SEMA3A: variants seen among roughly 807,000 people sequenced by gnomAD.
SEMA3A encodes semaphorin-3A.
Under a neutral mutation model 97.9 loss-of-function variants are expected in SEMA3A, and 29 were observed. The observed-to-expected ratio is 0.30, with a 90% confidence interval of 0.22 to 0.40. SEMA3A has a LOEUF of 0.40. Ranked by LOEUF, SEMA3A falls within the 10% of genes least tolerant of loss-of-function variation. The pLI, the probability that SEMA3A is intolerant of heterozygous loss-of-function variation, is 1.00. For missense variants in SEMA3A, 763 were observed against 951.3 expected, an observed-to-expected ratio of 0.80 and a Z score of 2.60; for synonymous variants, 321 against 323.7, an observed-to-expected ratio of 0.99 and a Z score of 0.09.
At chr7:83,984,276 C>G (rs1789539682) in intron 13 of SEMA3A, among the ~76,000 whole-genome samples, 1 of 152,122 alleles carries the variant, frequency 6.6e-6, no homozygotes, top group Non-Finnish European at 1.5e-5. Context: ...TTGCCAACCT[C>G]TAACAATTTT....
At chr7:84,237,965 C>A (rs1022303481) in intron 3 of SEMA3A, among the ~76,000 whole-genome samples, 8 of 152,052 alleles carry the variant, frequency 5.3e-5, no homozygotes, top group South Asian at 2.1e-4. Flanking sequence ...AGGCCACCAT[C>A]TCTATGGAGG....
chr7:84,264,725 T>C (rs1480120551), intron 3 of SEMA3A, among the ~76,000 whole-genome samples: 3 of 152,140 alleles, frequency 2.0e-5, no homozygotes, highest in Non-Finnish European at 4.4e-5. Flanking sequence ...AGGTCTTTAT[T>C]AGACTGCTTA....
At chr7:84,084,112 A>T (rs1794252004) in intron 4 of SEMA3A, among the ~76,000 whole-genome samples, 1 of 152,092 alleles carries the variant, frequency 6.6e-6, no homozygotes, top group Non-Finnish European at 1.5e-5. Context: ...ATGCAATTTC[A>T]GCTGGCCATA....
intron 4 of SEMA3A, among the ~76,000 whole-genome samples, chr7:84,093,874 C>G (rs1174853591): frequency 2.6e-5 from 4 of 151,552 alleles, no homozygotes; most frequent in African/African-American, 9.7e-5. Flanking sequence ...CAGCAAACCA[C>G]CATGGCACAT....
chr7:84,009,096 G>C (rs1790779640), intron 9 of SEMA3A, among the ~76,000 whole-genome samples: 1 of 152,114 alleles, frequency 6.6e-6, no homozygotes, highest in Non-Finnish European at 1.5e-5. Context: ...AAACAACATG[G>C]GCATCACCTG....
intron 13 of SEMA3A, among the ~76,000 whole-genome samples, chr7:83,985,220 T>G (rs1205484768): frequency 6.6e-6 from 1 of 152,114 alleles, no homozygotes; most frequent in Non-Finnish European, 1.5e-5. Context: ...AAATAATGTT[T>G]ATAGAACACA....
chr7:84,002,079 T>A lies in SEMA3A; in HGVS notation c.1361-33A>T, dbSNP rs765659022. On this transcript the variant is annotated intron_variant, in intron 11 of 16. Coordinates refer to ENST00000265362, the MANE Select transcript of SEMA3A (RefSeq NM_006080.3). ...AGAAAGTGGGGAGAAGACCACAAGT[T>A]AAGTAGATCTGAACAGAGATTAGTG... 4 of 1,239,770 alleles carry A rather than the reference T, an allele frequency of 3.2e-6. No individual in the cohort carries two copies. In the African/African-American group the frequency reaches 6.0e-5, roughly 18 times the overall value. 76.8% of individuals were successfully genotyped at this position (1,239,770 alleles called of 1,614,324 possible).
chr7:84,339,393 C>G (rs1253173067), intron 2 of SEMA3A, among the ~76,000 whole-genome samples: 3 of 152,098 alleles, frequency 2.0e-5, no homozygotes, highest in Admixed American at 2.0e-4. Context: ...CATATGTAAT[C>G]TGTGTATCTG....
At chr7:84,289,154 G>A (rs1800675191) in intron 3 of SEMA3A, among the ~76,000 whole-genome samples, 1 of 152,060 alleles carries the variant, frequency 6.6e-6, no homozygotes, top group Admixed American at 6.6e-5. Context: ...GTATGTGGGA[G>A]CTTAAAGAGG....
chr7:84,024,557 G>T lies in SEMA3A; in HGVS notation c.668-10206C>A, dbSNP rs143487035. On this transcript the variant is annotated intron_variant, in intron 6 of 16. Coordinates refer to ENST00000265362, the MANE Select transcript of SEMA3A (RefSeq NM_006080.3). ...GAGACTCTGTCCCTGCACACCCAAT[G>T]CCCCCCCACAATAAAAGAAAAAAGA... Among the ~76,000 whole-genome samples, 458 of 151,566 alleles carry T rather than the reference G, an allele frequency of 3.0e-3. 5 individuals are homozygous for T. Among genetic ancestry groups the T allele is most frequent in the African/African-American group, 0.01 (419 of 41,310 alleles).
At chr7:84,372,646 C>A (rs1179581206) in intron 1 of SEMA3A, among the ~76,000 whole-genome samples, 1 of 152,082 alleles carries the variant, frequency 6.6e-6, no homozygotes. Context: ...AGGTAGAAAT[C>A]ACCTGACCTG....
intron 3 of SEMA3A, among the ~76,000 whole-genome samples, chr7:84,244,687 AG>A (rs1366692532): frequency 1.3e-5 from 2 of 152,032 alleles, no homozygotes; most frequent in African/African-American, 4.8e-5. Context: ...TAGCCTTGAT[AG>A]TCTTTACAAT....
Position 84,135,012 on chromosome 7 carries a change from G to T in SEMA3A, c.113-61C>A, listed in dbSNP as rs151304581. The T allele has an allele frequency of 1.1e-3, 1,566 of 1,371,954 alleles. 22 individuals carry two copies. In the East Asian group the frequency reaches 0.022, roughly 20 times the overall value. The allele number at this position is 1,371,954 out of a possible 1,614,324, so 85.0% of individuals were successfully genotyped here. The stretch of plus-strand genomic sequence containing the variant: ...GTGAAGCACTATATAAGCATAGACT[G>T]TTGGTACATGGTAACCTGACTATAT... On this transcript the variant is annotated intron_variant, in intron 1 of 16. Coordinates refer to ENST00000265362, the MANE Select transcript of SEMA3A (RefSeq NM_006080.3).
At chr7:84,265,257 C>T (rs1484691175) in intron 3 of SEMA3A, among the ~76,000 whole-genome samples, 1 of 151,754 alleles carries the variant, frequency 6.6e-6, no homozygotes, top group African/African-American at 2.4e-5. Flanking sequence ...TTTTTATCCC[C>T]ATGAATATAA....
chr7:84,097,257 A>G (rs1262748832), intron 4 of SEMA3A, among the ~76,000 whole-genome samples: 1 of 152,176 alleles, frequency 6.6e-6, no homozygotes, highest in African/African-American at 2.4e-5. Context: ...GCAACACAAG[A>G]AAAATACAGA....
chr7:84,482,436 C>T (rs952685173), intron 1 of SEMA3A, among the ~76,000 whole-genome samples: 5 of 152,000 alleles, frequency 3.3e-5, no homozygotes, highest in South Asian at 2.1e-4. Flanking sequence ...TTTTTAGTGG[C>T]GCTTTTAAAT....
At chr7:84,407,506 T>C (rs1804129791) in intron 1 of SEMA3A, among the ~76,000 whole-genome samples, 4 of 151,776 alleles carry the variant, frequency 2.6e-5, no homozygotes, top group Admixed American at 6.6e-5. Context: ...CCACATCAAG[T>C]TACCAATGAC....
intron 1 of SEMA3A, among the ~76,000 whole-genome samples, chr7:84,180,326 C>T (rs1427061770): frequency 2.6e-5 from 4 of 151,978 alleles, no homozygotes; most frequent in Admixed American, 6.6e-5. Flanking sequence ...CTCCAAATGG[C>T]AATTGGCATT....
At chr7:84,249,408 T>TATCTATCTATCTATC (rs1200214846) in intron 3 of SEMA3A, among the ~76,000 whole-genome samples, 1 of 151,822 alleles carries the variant, frequency 6.6e-6, no homozygotes, top group East Asian at 1.9e-4. Context: ...TCTATCTATC[T>TATCTATCTATCTATC]ATCTATCTAT....
Sources: allele counts gnomAD v4.1 joint callset (sites outside exome capture counted in the v4.1 genomes callset), GRCh38; gene constraint gnomAD v4.1.1; transcripts MANE v1.5; gene names NCBI Gene and HGNC (gene_info 2026-07-23, HGNC 2026-07-21).